SLC25A13: variants seen among roughly 807,000 people sequenced by gnomAD.
The protein encoded by SLC25A13 is electrogenic aspartate/glutamate antiporter SLC25A13, mitochondrial.
In SLC25A13, 70 loss-of-function variants were observed where a neutral mutation model predicts 85.5. That is an observed-to-expected ratio of 0.82 (90% CI 0.68 to 1.00). The LOEUF (loss-of-function observed/expected upper bound fraction) is 1.00, where lower values mean the gene tolerates loss of function less well. SLC25A13 is among the 50% of genes least tolerant of loss of function. SLC25A13 has a pLI of 0.00. For synonymous variants in SLC25A13, 259 were observed against 288.7 expected, an observed-to-expected ratio of 0.90 and a Z score of 1.04; for missense variants, 765 against 819.8, an observed-to-expected ratio of 0.93 and a Z score of 0.82.
At chr7:96,272,181 C>A (rs1460122146) in intron 3 of SLC25A13, among the ~76,000 whole-genome samples, 1 of 152,226 alleles carries the variant, frequency 6.6e-6, no homozygotes, top group Non-Finnish European at 1.5e-5. Context: ...AGCCACCACG[C>A]TCAGCCTATT....
intron 3 of SLC25A13, among the ~76,000 whole-genome samples, chr7:96,276,320 T>C (rs1309187643): frequency 6.6e-6 from 1 of 152,172 alleles, no homozygotes; most frequent in African/African-American, 2.4e-5. Flanking sequence ...GGAAAACCCA[T>C]TTTTAAAATG....
At chr7:96,320,155 C>T (rs1365901798) in intron 1 of SLC25A13, among the ~76,000 whole-genome samples, 1 of 152,180 alleles carries the variant, frequency 6.6e-6, no homozygotes, top group Non-Finnish European at 1.5e-5. Flanking sequence ...CAGGTGCCCA[C>T]CAGCACGCCT....
In SLC25A13 at chr7:96,151,736, A is replaced by G. The variant is rs1292046558; in HGVS notation, c.1312-5040T>C. On this transcript the variant is annotated intron_variant, in intron 13 of 17. Coordinates refer to ENST00000265631, the MANE Select transcript of SLC25A13 (RefSeq NM_014251.3). Reference sequence around the variant, plus strand: ...GGCAGGTGGATCACCTGAGGTCAGGAGTTTGAGACCAGGCTGGCCAACATG... The same window carrying G: ...GGCAGGTGGATCACCTGAGGTCAGGGGTTTGAGACCAGGCTGGCCAACATG... Among the ~76,000 whole-genome samples, 5 of 152,222 alleles carry G rather than the reference A, an allele frequency of 3.3e-5. No individual in the cohort carries two copies. In the East Asian group the frequency reaches 9.7e-4, roughly 29 times the overall value.
chr7:96,203,651 C>T (rs1159238458), intron 5 of SLC25A13, among the ~76,000 whole-genome samples: 1 of 152,108 alleles, frequency 6.6e-6, no homozygotes, highest in Non-Finnish European at 1.5e-5. Flanking sequence ...TTGTAGTAAT[C>T]CTAGACTTTT....
chr7:96,281,843 A>T (rs1156655864), intron 2 of SLC25A13, among the ~76,000 whole-genome samples: 1 of 152,232 alleles, frequency 6.6e-6, no homozygotes, highest in African/African-American at 2.4e-5. Context: ...AAACAAGCTC[A>T]TCACCACGGC....
chr7:96,190,168 T>G (rs925784490), intron 7 of SLC25A13, among the ~76,000 whole-genome samples: 1 of 147,262 alleles, frequency 6.8e-6, no homozygotes, highest in Non-Finnish European at 1.5e-5. Context: ...CACTACAACC[T>G]CCGACTCTTG....
intron 1 of SLC25A13, among the ~76,000 whole-genome samples, chr7:96,309,269 T>TG (rs1172659065): frequency 1.3e-5 from 2 of 152,196 alleles, no homozygotes; most frequent in Non-Finnish European, 2.9e-5. Flanking sequence ...CTAATGTACC[T>TG]GGGCTTTTTT....
At chr7:96,200,551 C>T (rs962689547) in intron 5 of SLC25A13, among the ~76,000 whole-genome samples, 6 of 151,928 alleles carry the variant, frequency 3.9e-5, no homozygotes, top group Non-Finnish European at 7.4e-5. Flanking sequence ...CCCCCCACCC[C>T]CCATTTGGCC....
intron 3 of SLC25A13, among the ~76,000 whole-genome samples, chr7:96,249,339 T>C (rs573724771): frequency 1.3e-5 from 2 of 152,348 alleles, no homozygotes; most frequent in Non-Finnish European, 2.9e-5. Flanking sequence ...GAAAAAGACA[T>C]ACACATCTTT....
intron 5 of SLC25A13, among the ~76,000 whole-genome samples, chr7:96,194,674 G>T (rs918935679): frequency 6.6e-6 from 1 of 152,118 alleles, no homozygotes; most frequent in East Asian, 1.9e-4. Flanking sequence ...TAAAGTACTC[G>T]ATCTTCCTTT....
At chr7:96,205,945 CAA>C (rs397706103) in intron 5 of SLC25A13, among the ~76,000 whole-genome samples, 15 of 130,472 alleles carry the variant, frequency 1.1e-4, no homozygotes, top group African/African-American at 2.5e-4. Flanking sequence ...TATTAAGTGA[CAA>C]AAAAAAAAAA....
chr7:96,266,295 C>G lies in SLC25A13; in HGVS notation c.212+10901G>C, dbSNP rs1180249211. Reference sequence around the variant, plus strand: ...AGGTGTTCTGGATGAACTCTCCATGCTCTTACAAGAGGCCAACCTCCTAGA... The same window carrying G: ...AGGTGTTCTGGATGAACTCTCCATGGTCTTACAAGAGGCCAACCTCCTAGA... On this transcript the variant is annotated intron_variant, in intron 3 of 17. Coordinates refer to ENST00000265631, the MANE Select transcript of SLC25A13 (RefSeq NM_014251.3). Among the ~76,000 whole-genome samples the G allele has an allele frequency of 2.0e-5, 3 of 152,198 alleles. No homozygotes were observed. In the East Asian group the frequency reaches 5.8e-4, roughly 29 times the overall value.
chr7:96,121,728 A>T lies in SLC25A13; in HGVS notation c.1768T>A (p.Ser590Thr). The T allele has an allele frequency of 6.2e-7, 1 of 1,614,226 alleles. No individual in the cohort carries two copies. The highest frequency in any genetic ancestry group is 8.5e-7 in the Non-Finnish European group (1 of 1,180,030). ...KGAGARVFRS[S>T]PQFGVTLLTY... The stretch of plus-strand genomic sequence containing the variant: ...AGCAAAGTTACACCAAACTGGGGTG[A>T]GGATCGAAATACACGAGCTTTAAAA... The change falls in exon 17 of 18, where the codon TCA becomes ACA. Residue 590 changes from serine (S) to threonine (T), a missense_variant. Transcript: ENST00000265631.
At chr7:96,193,344 A>C (rs1033111209) in intron 5 of SLC25A13, among the ~76,000 whole-genome samples, 161 bp from the exon 6 acceptor site, 1 of 152,188 alleles carries the variant, frequency 6.6e-6, no homozygotes, top group Non-Finnish European at 1.5e-5. Flanking sequence ...GTCTCCTTCC[A>C]AGAGACAGAA....
intron 3 of SLC25A13, among the ~76,000 whole-genome samples, chr7:96,260,762 T>C (rs544424284): frequency 1.3e-5 from 2 of 152,250 alleles, no homozygotes; most frequent in South Asian, 4.1e-4. Flanking sequence ...CATTCAACTC[T>C]AGTCTTGCCA....
intron 2 of SLC25A13, among the ~76,000 whole-genome samples, chr7:96,290,265 C>T (rs1374199469): frequency 6.6e-6 from 1 of 152,060 alleles, no homozygotes; most frequent in African/African-American, 2.4e-5. Context: ...TAAAAGAGCT[C>T]CTGAAGGAAG....
At chr7:96,208,430 T>A (rs185494902) in intron 5 of SLC25A13, among the ~76,000 whole-genome samples, 25 of 152,234 alleles carry the variant, frequency 1.6e-4, no homozygotes, top group Non-Finnish European at 3.2e-4. Flanking sequence ...ATGTAGTAAG[T>A]AAATCACAGT....
chr7:96,278,332 C>T (rs573273191), intron 2 of SLC25A13, among the ~76,000 whole-genome samples: 252 of 152,284 alleles, frequency 1.7e-3, no homozygotes, highest in Admixed American at 2.2e-3. Context: ...ATGGAGGGTG[C>T]GCAGTGAAGT....
intron 3 of SLC25A13, among the ~76,000 whole-genome samples, chr7:96,272,645 A>T (rs1319658365): frequency 6.6e-6 from 1 of 152,228 alleles, no homozygotes. Context: ...CTTGAGGCCC[A>T]GCCCTCCCAC....
Sources: allele counts gnomAD v4.1 joint callset (sites outside exome capture counted in the v4.1 genomes callset), GRCh38; gene constraint gnomAD v4.1.1; transcripts MANE v1.5; gene names NCBI Gene and HGNC (gene_info 2026-07-23, HGNC 2026-07-21).